The following DYNC2I1 variants were observed in gnomAD, a reference collection of about 807,000 sequenced individuals.
The protein encoded by DYNC2I1 is cytoplasmic dynein 2 intermediate chain 1.
DYNC2I1 carries 89 observed loss-of-function variants against 133.4 expected under a neutral mutation model. The ratio of observed to expected loss-of-function variants is 0.67; its 90% CI spans 0.56 to 0.80. The LOEUF is 0.80. Ranked by LOEUF, DYNC2I1 falls within the 30% of genes least tolerant of loss-of-function variation. DYNC2I1 has a pLI of 0.00. For synonymous variants in DYNC2I1, 504 were observed against 484.3 expected, an observed-to-expected ratio of 1.04 and a Z score of -0.54; for missense variants, 1,291 against 1,314.5, an observed-to-expected ratio of 0.98 and a Z score of 0.28.
chr7:158,897,094 C>T (rs1215949960), intron 8 of DYNC2I1, among the ~76,000 whole-genome samples: 2 of 151,770 alleles, frequency 1.3e-5, no homozygotes, highest in Non-Finnish European at 2.9e-5. Context: ...AGCAGTTCTC[C>T]TGCCTCAGCC....
chr7:158,841,090 C>T, the DYNC2I1 span, among the ~76,000 whole-genome samples: 2 of 148,702 alleles, frequency 1.3e-5, no homozygotes, highest in Admixed American at 6.8e-5. Flanking sequence ...TTTTCAGCCT[C>T]ATCTCCAACT....
At chr7:158,842,318 C>T in the DYNC2I1 span, among the ~76,000 whole-genome samples, 6 of 152,204 alleles carry the variant, frequency 3.9e-5, no homozygotes, top group African/African-American at 1.4e-4. Flanking sequence ...TGAGCCACCA[C>T]GCCCAGCCGG....
the DYNC2I1 span, among the ~76,000 whole-genome samples, chr7:158,846,920 CTGTA>C: frequency 6.6e-6 from 1 of 152,130 alleles, no homozygotes; most frequent in African/African-American, 2.4e-5. Flanking sequence ...CTTCCTTTGT[CTGTA>C]TGTCTGTAAT....
At chr7:158,857,115 C>T (rs926925397) in intron 1 of DYNC2I1, among the ~76,000 whole-genome samples, 3 of 152,198 alleles carry the variant, frequency 2.0e-5, no homozygotes, top group Non-Finnish European at 4.4e-5. Flanking sequence ...TTTTAGCTGA[C>T]TTAAGTTTAA....
chr7:158,944,111 T>C (rs1160732095), intron 24 of DYNC2I1, among the ~76,000 whole-genome samples: 1 of 152,096 alleles, frequency 6.6e-6, no homozygotes, highest in Admixed American at 6.6e-5. Flanking sequence ...GATTTAACAC[T>C]TTTAGAGTTA....
At chr7:158,951,087 T>C (rs545730805), downstream of DYNC2I1, among the ~76,000 whole-genome samples, 1 of 152,252 alleles carries the variant, frequency 6.6e-6, no homozygotes, top group Non-Finnish European at 1.5e-5. Flanking sequence ...TCATAGTTAT[T>C]TAAAATCCCC....
At chr7:158,874,670 AG>A (rs1394271497) in intron 3 of DYNC2I1, among the ~76,000 whole-genome samples, 20 of 152,160 alleles carry the variant, frequency 1.3e-4, no homozygotes, top group South Asian at 6.2e-4. Flanking sequence ...CTGGGTCCCC[AG>A]GCCTCCTCTC....
intron 6 of DYNC2I1, 25 bp from the exon 7 acceptor site, chr7:158,886,996 G>T: frequency 6.2e-7 from 1 of 1,609,600 alleles, no homozygotes; most frequent in South Asian, 1.1e-5. Context: ...AGTAAGTTTT[G>T]ATTTTGATTA....
chr7:158,850,825 G>T, the DYNC2I1 span, among the ~76,000 whole-genome samples: 1 of 152,118 alleles, frequency 6.6e-6, no homozygotes, highest in Non-Finnish European at 1.5e-5. Flanking sequence ...AGTTTACATA[G>T]GATCTTGTTG....
At chr7:158,878,778 GGGCC>G (rs1843672313) in intron 4 of DYNC2I1, among the ~76,000 whole-genome samples, 1 of 144,002 alleles carries the variant, frequency 6.9e-6, no homozygotes, top group Non-Finnish European at 1.5e-5. Flanking sequence ...GAGGCCAGGA[GGGCC>G]GACTCTGAGT....
chr7:158,927,123 T>A, intron 20 of DYNC2I1, 80 bp downstream of exon 20: 1 of 1,036,474 alleles, frequency 9.6e-7, no homozygotes, highest in Non-Finnish European at 1.4e-6. Flanking sequence ...TGCGGTCAGG[T>A]GCAGTGGCTC....
chr7:158,954,342 T>C (rs1168878766), intron 4 of DYNC2I1, among the ~76,000 whole-genome samples: 1 of 152,194 alleles, frequency 6.6e-6, no homozygotes, highest in African/African-American at 2.4e-5. Context: ...TGTACATATA[T>C]TCTTTTGAAA....
In DYNC2I1 at chr7:158,918,797, A is replaced by T. The variant is rs1484836791; in HGVS notation, c.1849A>T (p.Arg617Trp). 6.2e-7 allele frequency: 1 copy of T among 1,613,818 alleles called. No homozygotes were observed. The highest frequency in any genetic ancestry group is 8.5e-7 in the Non-Finnish European group (1 of 1,179,906). ...RLAAEPSWNL[R>W]AQDRALYFSD... Reference sequence around the variant, plus strand: ...GGCAGCTGAACCCAGCTGGAATCTTAGGGCTCAAGACAGGGCCCTGTATTT... The same window carrying T: ...GGCAGCTGAACCCAGCTGGAATCTTTGGGCTCAAGACAGGGCCCTGTATTT... The change falls in exon 15 of 25, where the codon AGG becomes TGG. Residue 617 changes from arginine (R) to tryptophan (W), a missense_variant. Transcript: ENST00000407559.
At chr7:158,912,962 T>C in intron 12 of DYNC2I1, 23 bp from the exon 13 acceptor site, 1 of 1,549,950 alleles carries the variant, frequency 6.5e-7, no homozygotes, top group Non-Finnish European at 8.8e-7. Flanking sequence ...CAATGTTAAT[T>C]TTGGCATATT....
intron 15 of DYNC2I1, among the ~76,000 whole-genome samples, chr7:158,920,075 ATGGCAGCGC>A: frequency 6.7e-6 from 1 of 149,442 alleles, no homozygotes; most frequent in African/African-American, 2.5e-5. Flanking sequence ...GTGTGTGTGT[ATGGCAGCGC>A]CGGGCCTCCG....
At chr7:158,890,058 G>T (rs1460646260) in intron 7 of DYNC2I1, among the ~76,000 whole-genome samples, 1 of 149,950 alleles carries the variant, frequency 6.7e-6, no homozygotes, top group African/African-American at 2.5e-5. Flanking sequence ...CTGTTGCCCA[G>T]GCTGGTCTCG....
upstream of DYNC2I1, among the ~76,000 whole-genome samples, chr7:158,855,748 C>T (rs556703849): frequency 1.6e-3 from 244 of 152,292 alleles, 2 homozygotes; most frequent in East Asian, 9.6e-4. Flanking sequence ...TTCAGGCTTT[C>T]AGCCCTAACT....
In DYNC2I1 at chr7:158,930,304, G is replaced by A. The variant is rs1850091929; in HGVS notation, c.2486-151G>A. On this transcript the variant is annotated intron_variant, in intron 20 of 24. Transcript: ENST00000407559. ...GCAGGATACGTGAACCTCACCCAGAGGAAGGGAGGGATGCTGTGTATTGAT... is the reference window on the plus strand; with the variant it reads ...GCAGGATACGTGAACCTCACCCAGAAGAAGGGAGGGATGCTGTGTATTGAT... 1.3e-5 allele frequency: 10 copies of A among 741,780 alleles called. No individual in the cohort carries two copies. The East Asian group carries it at 2.2e-4, about 16-fold the overall frequency. The allele number at this position is 741,780 out of a possible 1,614,324, so 45.9% of individuals were successfully genotyped here. A position where few individuals can be genotyped will look rare whatever the true frequency, so the allele number is the denominator to read the frequency against.
At chr7:158,953,790 ATATGT>A (rs1284166713) in intron 4 of DYNC2I1, among the ~76,000 whole-genome samples, 1 of 151,980 alleles carries the variant, frequency 6.6e-6, no homozygotes, top group Non-Finnish European at 1.5e-5. Flanking sequence ...TAGGTTATAT[ATATGT>A]TATATATATG....
Sources: gnomAD v4.1 joint callset for allele counts (sites outside exome capture counted in the v4.1 genomes callset) on GRCh38, gnomAD v4.1.1 for gene constraint, MANE v1.5 for transcripts, NCBI Gene and HGNC (gene_info 2026-07-23, HGNC 2026-07-21) for gene names.